Variants in CCDC157 observed in about 807,000 individuals in gnomAD.
CCDC157 encodes coiled-coil domain-containing protein 157.
A neutral mutation model predicts 70.9 loss-of-function variants in CCDC157; 60 were observed. That is an observed-to-expected ratio of 0.85 (90% CI 0.69 to 1.05). The LOEUF (loss-of-function observed/expected upper bound fraction) is 1.05, where lower values mean the gene tolerates loss of function less well. CCDC157 is among the 50% of genes least tolerant of loss of function. The probability of loss-of-function intolerance (pLI) is 0.00; values close to 1 mark genes in which losing one functional copy is unlikely to be tolerated. For missense variants in CCDC157, 943 were observed against 984.2 expected (o/e 0.96, Z 0.56); for synonymous variants, 373 against 422.4 (o/e 0.88, Z 1.43).
In CCDC157 at chr22:30,371,639, G is replaced by A. The variant is rs1177816784; in HGVS notation, c.1046-11G>A. 1 of 1,612,584 alleles carries A rather than the reference G, an allele frequency of 6.2e-7. No individual in the cohort carries two copies. Among genetic ancestry groups the A allele is most frequent in the East Asian group, 2.2e-5 (1 of 44,878 alleles). ...GGACCCTCTGAAGGGCCTCTCTCTT[G>A]GCTGCCATAGAAACAAGTGACCTAA... is the stretch of plus-strand genomic sequence containing the variant. On this transcript the variant is annotated splice_polypyrimidine_tract_variant and intron_variant, in intron 5 of 11. Transcript: ENST00000338306.
chr22:30,376,880 T>C lies in CCDC157; in HGVS notation c.*135T>C. The stretch of plus-strand genomic sequence containing the variant: ...CAAGGAAAGAACCCTTCCTTCCCTG[T>C]CCTGGGCAGGGGCCACTGAGTCCCC... On this transcript the variant is annotated 3_prime_UTR_variant, in exon 12 of 12. Transcript: ENST00000338306. 7 of 900,602 alleles carry C rather than the reference T, an allele frequency of 7.8e-6. No homozygotes were observed. Among genetic ancestry groups the C allele is most frequent in the South Asian group, 1.7e-5 (1 of 59,078 alleles). 55.8% of individuals were successfully genotyped at this position (900,602 alleles called of 1,614,324 possible). A position where few individuals can be genotyped will look rare whatever the true frequency, so the allele number is the denominator to read the frequency against.
intron 5 of CCDC157, 87 bp downstream of exon 5, chr22:30,371,037 C>A (rs1932916657): frequency 1.4e-6 from 2 of 1,463,726 alleles, no homozygotes; most frequent in Non-Finnish European, 9.1e-7. Flanking sequence ...GCTTCCAGGG[C>A]AAGTGGTTTG....
rs992840387 is a variant in CCDC157 at position 30,378,450 on chromosome 22, G to A, written c.*1705G>A. 1 of 185,294 alleles carries A rather than the reference G, an allele frequency of 5.4e-6. No homozygotes were observed. Among genetic ancestry groups the A allele is most frequent in the African/African-American group, 2.3e-5 (1 of 42,744 alleles). 11.5% of individuals were successfully genotyped at this position (185,294 alleles called of 1,614,324 possible). A position where few individuals can be genotyped will look rare whatever the true frequency, so the allele number is the denominator to read the frequency against. ...TCGAGACCAGCCTGACCAACATGGA[G>A]AAACCCCGTCTCTACTAAAAATACA... On this transcript the variant is annotated 3_prime_UTR_variant, in exon 12 of 12. Coordinates refer to ENST00000338306, the MANE Select transcript of CCDC157 (RefSeq NM_001017437.5).
In CCDC157 at chr22:30,364,428, TG is replaced by T. The variant is rs759086060; in HGVS notation, c.-11-1561del. ...ACTGATTTGATCTTTACAAATTATA[TG>T]AATGTATTAAATAATCCTGAAACTA... On this transcript the variant is annotated intron_variant, in intron 2 of 11. Coordinates refer to ENST00000338306, the MANE Select transcript of CCDC157 (RefSeq NM_001017437.5). 2.5e-4 allele frequency among the ~76,000 whole-genome samples: 38 copies of T among 152,304 alleles called. 1 individual carries two copies. Among genetic ancestry groups the T allele is most frequent in the Non-Finnish European group, 4.7e-4 (32 of 68,028 alleles).
chr22:30,364,685 C>T (rs541801895), intron 2 of CCDC157, among the ~76,000 whole-genome samples: 1 of 151,992 alleles, frequency 6.6e-6, no homozygotes, highest in South Asian at 2.1e-4. Flanking sequence ...CACCTGTAAT[C>T]CCAGCTACTC....
At chr22:30,365,716 C>T (rs970039829) in intron 2 of CCDC157, among the ~76,000 whole-genome samples, 2 of 152,102 alleles carry the variant, frequency 1.3e-5, no homozygotes, top group South Asian at 4.1e-4. Context: ...CAGCCTTGAG[C>T]AGGGGGCCCA....
At chr22:30,371,863 A>G in intron 6 of CCDC157, 136 bp downstream of exon 6, 7 of 852,948 alleles carry the variant, frequency 8.2e-6, no homozygotes, top group Non-Finnish European at 1.3e-5. Context: ...GGGCCTGACC[A>G]ACCACACTAT....
chr22:30,373,545 G>T, intron 7 of CCDC157, 52 bp from the exon 8 acceptor site: 1 of 1,537,656 alleles, frequency 6.5e-7, no homozygotes, highest in Non-Finnish European at 8.8e-7. Flanking sequence ...CCACATGGCT[G>T]GGCCTAGCCC....
chr22:30,373,228 G>A (rs1468302410), intron 7 of CCDC157: 1 of 238,334 alleles, frequency 4.2e-6, no homozygotes, highest in Non-Finnish European at 8.4e-6. Context: ...TCAGCAACAT[G>A]GGATGATGTG....
chr22:30,374,851 G>C, intron 9 of CCDC157: 1 of 424,272 alleles, frequency 2.4e-6, no homozygotes, highest in South Asian at 1.7e-5. Flanking sequence ...TCCCAAGCTT[G>C]AGCTGGCCGT....
intron 6 of CCDC157, 56 bp downstream of exon 6, chr22:30,371,783 G>C: frequency 2.1e-6 from 3 of 1,438,122 alleles, no homozygotes; most frequent in Non-Finnish European, 2.9e-6. Flanking sequence ...GGTGTGGCTG[G>C]ATGAGCATCG....
At position 30,358,545 on chromosome 22, in the gene CCDC157, T is replaced by C. The variant is rs75681980; in HGVS notation, c.-166+1413T>C. 1.2e-3 allele frequency among the ~76,000 whole-genome samples: 184 copies of C among 152,326 alleles called. 2 individuals carry two copies. In the East Asian group the frequency reaches 0.026, roughly 21 times the overall value. On this transcript the variant is annotated intron_variant, in intron 1 of 11. Coordinates refer to ENST00000338306, the MANE Select transcript of CCDC157 (RefSeq NM_001017437.5). ...ATAGCTGGTTTTAGAGTTTCCCGTGTTTTCATGGTGGTGGCTTTGAATCTC... is the reference window on the plus strand; with the variant it reads ...ATAGCTGGTTTTAGAGTTTCCCGTGCTTTCATGGTGGTGGCTTTGAATCTC...
At position 30,375,490 on chromosome 22, in the gene CCDC157, A is replaced by G; in HGVS notation, c.1684A>G (p.Ser562Gly). 6.2e-7 allele frequency: 1 copy of G among 1,614,148 alleles called. No individual in the cohort carries two copies. The highest frequency in any genetic ancestry group is 8.5e-7 in the Non-Finnish European group (1 of 1,180,018). The stretch of plus-strand genomic sequence containing the variant: ...CCCATTGGGCACAGGAGGCAGATCC[A>G]GCAGCGTGGAATCCCAGATAACATG... Reference protein sequence around the residue: ...TETQIHGGRSSSVESQITCPT... With the variant: ...TETQIHGGRSGSVESQITCPT... Residue 562 changes from serine (S) to glycine (G), a missense_variant, in exon 10 of 12, where the codon AGC becomes GGC. Transcript: ENST00000338306.
At chr22:30,358,213 C>G (rs945751893) in intron 1 of CCDC157, among the ~76,000 whole-genome samples, 1 of 152,212 alleles carries the variant, frequency 6.6e-6, no homozygotes, top group African/African-American at 2.4e-5. Context: ...TTCCCCCTCC[C>G]CCCACACACA....
chr22:30,372,588 C>T (rs931462901), intron 7 of CCDC157: 3 of 302,740 alleles, frequency 9.9e-6, no homozygotes, highest in African/African-American at 6.5e-5. Context: ...GAGGGATGGC[C>T]ACATCTGCCA....
rs1022964145 is a variant in CCDC157 at position 30,371,793 on chromosome 22, G to T, written c.1123+66G>T. On this transcript the variant is annotated intron_variant, in intron 6 of 11. Coordinates refer to ENST00000338306, the MANE Select transcript of CCDC157 (RefSeq NM_001017437.5). ...CCAGGGGTGTGGCTGGATGAGCATC[G>T]TCCATCTCTGTCCCCTGAGCATCCA... 2.3e-6 allele frequency: 3 copies of T among 1,331,556 alleles called. No individual in the cohort carries two copies. In the African/African-American group the frequency reaches 4.3e-5, roughly 19 times the overall value. 82.5% of individuals were successfully genotyped at this position (1,331,556 alleles called of 1,614,324 possible).
At chr22:30,356,859 C>G, upstream of CCDC157, 1 of 1,243,308 alleles carries the variant, frequency 8.0e-7, no homozygotes, top group Non-Finnish European at 1.0e-6. Flanking sequence ...AAGACAGCCT[C>G]CCCGCTCGGT....
In CCDC157 at chr22:30,371,677, C is replaced by A; in HGVS notation, c.1073C>A (p.Ala358Asp). Residue 358 changes from alanine (A) to aspartate (D), a missense_variant, in exon 6 of 12, where the codon GCC (alanine) becomes GAC (aspartate). Ala to Asp is a moderately radical substitution (Grantham distance 126). Coordinates refer to ENST00000338306, the MANE Select transcript of CCDC157 (RefSeq NM_001017437.5). ...ACAAGTGACCTAAAGACAAAGATGG[C>A]CACCCTGGAGAGAGAACTGAAACAG... is the stretch of plus-strand genomic sequence containing the variant. ...TETSDLKTKM[A>D]TLERELKQQR... 6.2e-7 allele frequency: 1 copy of A among 1,614,116 alleles called. No homozygotes were observed. Among genetic ancestry groups the A allele is most frequent in the Non-Finnish European group, 8.5e-7 (1 of 1,179,964 alleles).
chr22:30,365,829 C>T (rs902830346), intron 2 of CCDC157, 161 bp from the exon 3 acceptor site: 27 of 677,902 alleles, frequency 4.0e-5, no homozygotes, highest in East Asian at 2.4e-4. Context: ...AGAACCGGGT[C>T]GGAAAGGCCT....
Sources: gnomAD v4.1 joint callset for allele counts (sites outside exome capture counted in the v4.1 genomes callset) on GRCh38, gnomAD v4.1.1 for gene constraint, MANE v1.5 for transcripts, NCBI Gene and HGNC (gene_info 2026-07-23, HGNC 2026-07-21) for gene names.